GRM5: variants seen among roughly 807,000 people sequenced by gnomAD.
The protein encoded by GRM5 is metabotropic glutamate receptor 5.
In GRM5, 19 loss-of-function variants were observed where a neutral mutation model predicts 83.1. The ratio of observed to expected loss-of-function variants is 0.23; its 90% CI spans 0.16 to 0.34. The LOEUF (loss-of-function observed/expected upper bound fraction) is 0.34. Among genes scored for constraint, GRM5 ranks in the 10% least tolerant of loss-of-function variants. The pLI, the probability that GRM5 is intolerant of heterozygous loss-of-function variation, is 1.00. For missense variants in GRM5, 1,160 were observed against 1,588.3 expected (o/e 0.73, Z 4.58); for synonymous variants, 675 against 633.6 (o/e 1.07, Z -0.98).
intron 2 of GRM5, among the ~76,000 whole-genome samples, chr11:88,945,756 A>G (rs1305468413): frequency 6.6e-6 from 1 of 152,144 alleles, no homozygotes; most frequent in Non-Finnish European, 1.5e-5. Context: ...TAAAGATTTA[A>G]ATGTAAGACC....
At chr11:89,054,782 G>A (rs1309141470) in intron 1 of GRM5, among the ~76,000 whole-genome samples, 2 of 152,142 alleles carry the variant, frequency 1.3e-5, no homozygotes, top group Non-Finnish European at 2.9e-5. Flanking sequence ...GGGACGGTAT[G>A]CTTTGATTTT....
At chr11:88,669,937 A>G (rs1054654346) in intron 3 of GRM5, among the ~76,000 whole-genome samples, 18 of 151,988 alleles carry the variant, frequency 1.2e-4, no homozygotes, top group Non-Finnish European at 1.9e-4. Flanking sequence ...ATTTACAAGT[A>G]GGTTCTAAAA....
intron 3 of GRM5, among the ~76,000 whole-genome samples, chr11:88,688,749 A>G (rs1940708394): frequency 6.6e-6 from 1 of 151,994 alleles, no homozygotes; most frequent in African/African-American, 2.4e-5. Context: ...AAATTAGAAA[A>G]TTATATTAAT....
intron 2 of GRM5, among the ~76,000 whole-genome samples, chr11:89,008,191 T>G (rs1217962867): frequency 6.6e-6 from 1 of 152,160 alleles, no homozygotes; most frequent in Non-Finnish European, 1.5e-5. Flanking sequence ...TGAAAACCTA[T>G]GCTGGAAAGA....
At chr11:88,885,533 G>T (rs1398443623) in intron 2 of GRM5, among the ~76,000 whole-genome samples, 1 of 122,606 alleles carries the variant, frequency 8.2e-6, no homozygotes, top group East Asian at 2.6e-4. Context: ...ACTTTAGAAA[G>T]GTATTTAAAT....
At chr11:88,661,552 C>T (rs757661479) in intron 3 of GRM5, among the ~76,000 whole-genome samples, 6 of 151,908 alleles carry the variant, frequency 3.9e-5, no homozygotes, top group Non-Finnish European at 8.8e-5. Context: ...AAATCTCTTA[C>T]TAATAGATTT....
chr11:88,646,393 C>T (rs899284175), intron 4 of GRM5, among the ~76,000 whole-genome samples: 2 of 151,808 alleles, frequency 1.3e-5, no homozygotes, highest in Non-Finnish European at 2.9e-5. Context: ...AAGTCAGGCT[C>T]ACTGTTAATA....
At chr11:88,817,279 G>A (rs1373852070) in intron 3 of GRM5, among the ~76,000 whole-genome samples, 1 of 152,032 alleles carries the variant, frequency 6.6e-6, no homozygotes, top group African/African-American at 2.4e-5. Flanking sequence ...CACGTAAACA[G>A]TACATAAAAT....
At chr11:88,634,383 A>G (rs1939061493) in intron 4 of GRM5, among the ~76,000 whole-genome samples, 1 of 152,248 alleles carries the variant, frequency 6.6e-6, no homozygotes. Flanking sequence ...GTAATAACAC[A>G]TAGCTTAAAA....
chr11:88,853,613 T>A (rs1373091460), intron 2 of GRM5, among the ~76,000 whole-genome samples: 2 of 151,818 alleles, frequency 1.3e-5, no homozygotes, highest in African/African-American at 4.8e-5. Context: ...GATATGGAGG[T>A]GAAAATAAAA....
chr11:88,839,501 A>T (rs1347134734), intron 3 of GRM5, among the ~76,000 whole-genome samples: 1 of 152,240 alleles, frequency 6.6e-6, no homozygotes. Context: ...ATTTTCATTC[A>T]TAATATTATC....
At position 88,597,356 on chromosome 11, in the gene GRM5, A is replaced by G; in HGVS notation, c.1395-4T>C. On this transcript the variant is annotated splice_polypyrimidine_tract_variant and splice_region_variant and intron_variant, in intron 5 of 9. Transcript: ENST00000305447. ...CTTGAAATTCATTATTTCATACCTTAGGAATAAGAATATGATAATTATGCA... is the reference window on the plus strand; with the variant it reads ...CTTGAAATTCATTATTTCATACCTTGGGAATAAGAATATGATAATTATGCA... 1 of 1,392,700 alleles carries G rather than the reference A, an allele frequency of 7.2e-7. No individual in the cohort carries two copies. The highest frequency in any genetic ancestry group is 1.0e-6 in the Non-Finnish European group (1 of 992,750). 86.3% of individuals were successfully genotyped at this position (1,392,700 alleles called of 1,614,324 possible).
intron 4 of GRM5, among the ~76,000 whole-genome samples, chr11:88,651,179 C>T (rs1939621925): frequency 6.6e-6 from 1 of 151,834 alleles, no homozygotes; most frequent in Non-Finnish European, 1.5e-5. Flanking sequence ...TCATGGAAAT[C>T]AAGTAAAGTT....
At chr11:88,803,716 A>T (rs954067071) in intron 3 of GRM5, among the ~76,000 whole-genome samples, 2 of 152,168 alleles carry the variant, frequency 1.3e-5, no homozygotes, top group African/African-American at 4.8e-5. Flanking sequence ...GCTTCTACAC[A>T]GCAAAAGAAA....
At chr11:88,927,718 C>T (rs2135640908) in intron 2 of GRM5, among the ~76,000 whole-genome samples, 2 of 152,074 alleles carry the variant, frequency 1.3e-5, no homozygotes, top group South Asian at 2.1e-4. Context: ...AGTTAAGCCA[C>T]CAGTATAGAC....
chr11:88,837,090 TG>T (rs1295781040), intron 3 of GRM5, among the ~76,000 whole-genome samples: 5 of 152,236 alleles, frequency 3.3e-5, no homozygotes, highest in African/African-American at 1.2e-4. Flanking sequence ...TAATTGCTCC[TG>T]GTTTGTTAAT....
chr11:88,924,983 CTG>C (rs1032866999), intron 2 of GRM5, among the ~76,000 whole-genome samples: 1 of 151,858 alleles, frequency 6.6e-6, no homozygotes, highest in Non-Finnish European at 1.5e-5. Flanking sequence ...GGGAGGGAAG[CTG>C]TAAATATCTC....
chr11:88,871,571 T>A (rs1442449008), intron 2 of GRM5, among the ~76,000 whole-genome samples: 1 of 151,496 alleles, frequency 6.6e-6, no homozygotes, highest in African/African-American at 2.4e-5. Flanking sequence ...AGTGCAAAGT[T>A]TGGATGAAGA....
At chr11:88,754,819 C>G (rs931387061) in intron 3 of GRM5, among the ~76,000 whole-genome samples, 2 of 152,144 alleles carry the variant, frequency 1.3e-5, no homozygotes, top group Admixed American at 1.3e-4. Context: ...CAAAGTCTGA[C>G]ATCAAATTCT....
Sources: allele counts gnomAD v4.1 joint callset (sites outside exome capture counted in the v4.1 genomes callset), GRCh38; gene constraint gnomAD v4.1.1; transcripts MANE v1.5; gene names NCBI Gene and HGNC (gene_info 2026-07-23, HGNC 2026-07-21).